PFKFB1: variants seen among roughly 807,000 people sequenced by gnomAD.
PFKFB1 encodes 6-phosphofructo-2-kinase/fructose-2,6-bisphosphatase 1.
Under a neutral mutation model 46.4 loss-of-function variants are expected in PFKFB1, and 34 were observed. The ratio of observed to expected loss-of-function variants is 0.73; its 90% confidence interval spans 0.56 to 0.98. The LOEUF (loss-of-function observed/expected upper bound fraction) is 0.98, where lower values mean the gene tolerates loss of function less well. Among genes scored for constraint, PFKFB1 ranks in the 50% least tolerant of loss-of-function variants. PFKFB1 has a pLI of 0.00. For synonymous variants in PFKFB1, 119 were observed against 133.8 expected (o/e 0.89, Z 0.76); for missense variants, 393 against 376.3 (o/e 1.04, Z -0.37).
chrX:54,978,500 C>G (rs1430391210), intron 1 of PFKFB1, among the ~76,000 whole-genome samples: 2 of 111,348 alleles, frequency 1.8e-5, no homozygotes, highest in East Asian at 5.7e-4. Context: ...TGCATAGGCT[C>G]AAATAATTTT....
At chrX:54,972,929 G>A (rs1420651321) in intron 1 of PFKFB1, among the ~76,000 whole-genome samples, 1 of 111,484 alleles carries the variant, frequency 9.0e-6, no homozygotes, top group Non-Finnish European at 1.9e-5. Context: ...GTTCCTCCTT[G>A]TACCTCTGGT....
At chrX:54,998,587 G>C (rs1935389271), upstream of PFKFB1, 1 of 461,363 alleles carries the variant, frequency 2.2e-6, no homozygotes, top group East Asian at 3.7e-5. Context: ...GTGCTCTGTT[G>C]AAATATCAGC....
At chrX:54,955,060 A>C (rs770958185) in intron 7 of PFKFB1, among the ~76,000 whole-genome samples, 1 of 112,279 alleles carries the variant, frequency 8.9e-6, no homozygotes, top group Admixed American at 9.4e-5. Flanking sequence ...TACTTTCCTC[A>C]GGGTCACACA....
In PFKFB1 at chrX:54,949,164, A is replaced by G. The variant is rs183245021; in HGVS notation, c.904T>C (p.Trp302Arg). Residue 302 changes from tryptophan to arginine, a missense_variant, in exon 9 of 14, where the codon TGG becomes CGG. By Grantham distance (101) the Trp-to-Arg change is moderately radical (BLOSUM62 -3). Coordinates refer to ENST00000375006, the MANE Select transcript of PFKFB1 (RefSeq NM_002625.4). ...ATGGTCCTCTTCATGTGACTGGTCC[A>G]CACCTTCAGGGAGCTGATGCCCTGG... Reference protein sequence around the residue: ...QSQGISSLKVWTSHMKRTIQT... With the variant: ...QSQGISSLKVRTSHMKRTIQT... 2.5e-6 allele frequency: 3 copies of G among 1,208,292 alleles called. No homozygotes were observed. The highest frequency in any genetic ancestry group is 3.4e-6 in the Non-Finnish European group (3 of 894,351).
At chrX:54,964,930 C>T (rs779342341) in intron 1 of PFKFB1, among the ~76,000 whole-genome samples, 40 of 110,717 alleles carry the variant, frequency 3.6e-4, no homozygotes, top group Non-Finnish European at 6.2e-4. Context: ...CAGTAGACTC[C>T]GCACAGCTGA....
At position 54,945,498 on chromosome X, in the gene PFKFB1, G is replaced by A. The variant is rs771482577; in HGVS notation, c.1039C>T (p.Pro347Ser). 2.5e-6 allele frequency: 3 copies of A among 1,200,466 alleles called. No individual in the cohort carries two copies. The highest frequency in any genetic ancestry group is 1.1e-6 in the Non-Finnish European group (1 of 887,787). Residue 347 changes from proline to serine, a missense_variant, in exon 10 of 14, where the codon CCT becomes TCT. Physicochemically the swap from Pro to Ser is moderately conservative, Grantham distance 74 (BLOSUM62 -1). Transcript: ENST00000375006. ...MTYEEIQEHY[P>S]EEFALRDQDK... is the part of the protein sequence containing the mutation. Reference sequence around the variant, plus strand: ...TGGTCTCGCAGTGCAAATTCTTCAGGGTAATGTTCCTGGATTTCTTCATAG... The same window carrying A: ...TGGTCTCGCAGTGCAAATTCTTCAGAGTAATGTTCCTGGATTTCTTCATAG...
intron 1 of PFKFB1, among the ~76,000 whole-genome samples, chrX:54,973,230 T>G (rs1004442665): frequency 1.8e-5 from 2 of 111,657 alleles, no homozygotes; most frequent in Non-Finnish European, 3.8e-5. Context: ...TTCTTCTCCC[T>G]TTTCCTCTTT....
intron 1 of PFKFB1, among the ~76,000 whole-genome samples, chrX:54,966,797 G>A (rs191045612): frequency 8.9e-6 from 1 of 111,762 alleles, no homozygotes; most frequent in African/African-American, 3.2e-5. Context: ...ATGACAGTGG[G>A]TAGTTTTTGA....
chrX:54,957,326 G>A, intron 6 of PFKFB1, among the ~76,000 whole-genome samples: 1 of 111,550 alleles, frequency 9.0e-6, no homozygotes, highest in Non-Finnish European at 1.9e-5. Context: ...CCCATGCAAA[G>A]TTAGGCCCTC....
chrX:54,954,555 T>G (rs1325660196), intron 7 of PFKFB1, among the ~76,000 whole-genome samples: 1 of 111,641 alleles, frequency 9.0e-6, no homozygotes, highest in Non-Finnish European at 1.9e-5. Context: ...TTTAAGATAG[T>G]TTTTTTTCTT....
intron 1 of PFKFB1, among the ~76,000 whole-genome samples, chrX:54,968,509 T>C (rs1378222760): frequency 9.0e-6 from 1 of 110,746 alleles, no homozygotes; most frequent in Non-Finnish European, 1.9e-5. Context: ...GGACTAAAAA[T>C]ATAATAGCTG....
intron 1 of PFKFB1, among the ~76,000 whole-genome samples, chrX:54,983,530 G>A (rs763988958): frequency 4.5e-5 from 5 of 111,966 alleles, no homozygotes; most frequent in East Asian, 2.8e-4. Flanking sequence ...AGTATTCCAC[G>A]GCATACACAT....
chrX:54,949,076 G>GC lies in PFKFB1; in HGVS notation c.991dup (p.Ala331GlyfsTer5). ...GGAGATTCACCCCATGCATCTCACCGCATCAATCTCATTCAGGGCCTTCCA... is the reference window on the plus strand; with the variant it reads ...GGAGATTCACCCCATGCATCTCACCGCCATCAATCTCATTCAGGGCCTTCCA... On this transcript the variant is annotated frameshift_variant and splice_region_variant, in exon 9 of 14. Coordinates refer to ENST00000375006, the MANE Select transcript of PFKFB1 (RefSeq NM_002625.4). LOFTEE classifies it high-confidence loss of function. 1 of 1,210,068 alleles carries GC rather than the reference G, an allele frequency of 8.3e-7. No individual in the cohort carries two copies. The highest frequency in any genetic ancestry group is 2.3e-4 in the Middle Eastern group (1 of 4,348).
At chrX:54,982,087 G>T (rs927053782) in intron 1 of PFKFB1, among the ~76,000 whole-genome samples, 1 of 111,169 alleles carries the variant, frequency 9.0e-6, no homozygotes, top group Non-Finnish European at 1.9e-5. Context: ...AATAAAACAG[G>T]CACTCGAATA....
intron 1 of PFKFB1, among the ~76,000 whole-genome samples, chrX:54,976,036 A>G (rs375637110): frequency 8.9e-6 from 1 of 111,835 alleles, no homozygotes; most frequent in Non-Finnish European, 1.9e-5. Context: ...TATGCCAATT[A>G]GTTTTTAGTT....
chrX:54,959,029 G>A, intron 4 of PFKFB1, 104 bp from the exon 5 acceptor site: 1 of 524,909 alleles, frequency 1.9e-6, no homozygotes, highest in East Asian at 3.3e-5. Flanking sequence ...TATGGAGGTA[G>A]AACTTGAACA....
At chrX:54,964,500 C>T (rs1220261099) in intron 1 of PFKFB1, among the ~76,000 whole-genome samples, 1 of 112,182 alleles carries the variant, frequency 8.9e-6, no homozygotes, top group African/African-American at 3.2e-5. Flanking sequence ...TTGGAAATAT[C>T]AGACAAGGAA....
chrX:54,993,289 T>G (rs1440842387), intron 1 of PFKFB1, among the ~76,000 whole-genome samples: 2 of 112,700 alleles, frequency 1.8e-5, no homozygotes, highest in Non-Finnish European at 3.7e-5. Flanking sequence ...CCTGAGAGAC[T>G]GCCTCTCTCA....
intron 1 of PFKFB1, among the ~76,000 whole-genome samples, chrX:54,985,327 C>A (rs1354578566): frequency 9.0e-6 from 1 of 111,228 alleles, no homozygotes; most frequent in East Asian, 2.8e-4. Flanking sequence ...AACAAACAAA[C>A]AAAAAACAAA....
Sources: allele counts gnomAD v4.1 joint callset (sites outside exome capture counted in the v4.1 genomes callset), GRCh38; gene constraint gnomAD v4.1.1; transcripts MANE v1.5; gene names NCBI Gene and HGNC (gene_info 2026-07-23, HGNC 2026-07-21).